The following SGCZ variants were observed in gnomAD, a reference collection of about 807,000 sequenced individuals.
SGCZ encodes zeta-sarcoglycan.
Under a neutral mutation model 41.3 loss-of-function variants are expected in SGCZ, and 40 were observed. That is an observed-to-expected ratio of 0.97 (90% confidence interval 0.75 to 1.26). The LOEUF is 1.26. Among genes scored for constraint, SGCZ ranks in the 50% most tolerant of loss-of-function variants. SGCZ has a pLI of 0.00. For missense variants in SGCZ, 552 were observed against 369.8 expected (o/e 1.49, Z -4.04); for synonymous variants, 206 against 137.5 (o/e 1.50, Z -3.49).
At position 15,159,759 on chromosome 8, in the gene SGCZ, C is replaced by CA. The variant is rs1563157662; in HGVS notation, c.39+77825_39+77826insT. Among the ~76,000 whole-genome samples, 37 of 71,876 alleles carry CA rather than the reference C, an allele frequency of 5.1e-4. 2 individuals are homozygous for CA. Among genetic ancestry groups the CA allele is most frequent in the Non-Finnish European group, 7.9e-4 (26 of 32,818 alleles). 47.2% of individuals were successfully genotyped at this position (71,876 alleles called of 152,430 possible). On this transcript the variant is annotated intron_variant, in intron 1 of 7. Transcript: ENST00000382080. ...CCCCCCACCCTCCCCCCCACCCCCG[C>CA]CACACACACACAGATGGTGTCTGAA... is the stretch of plus-strand genomic sequence containing the variant.
At chr8:14,585,722 T>A (rs1805034984) in intron 1 of SGCZ, among the ~76,000 whole-genome samples, 1 of 152,166 alleles carries the variant, frequency 6.6e-6, no homozygotes, top group African/African-American at 2.4e-5. Flanking sequence ...ATATAATGTT[T>A]CTTAATACAT....
intron 2 of SGCZ, among the ~76,000 whole-genome samples, chr8:14,357,531 A>G (rs1212918345): frequency 6.6e-6 from 1 of 152,188 alleles, no homozygotes; most frequent in Non-Finnish European, 1.5e-5. Context: ...AATTGAATGA[A>G]GTAGATCAGG....
intron 1 of SGCZ, among the ~76,000 whole-genome samples, chr8:15,102,324 T>A (rs905577539): frequency 6.6e-5 from 10 of 152,086 alleles, no homozygotes; most frequent in African/African-American, 2.2e-4. Context: ...GGTAAAACTA[T>A]GTGGAGAATA....
intron 1 of SGCZ, among the ~76,000 whole-genome samples, chr8:15,216,167 C>G (rs1316271559): frequency 6.6e-6 from 1 of 150,894 alleles, no homozygotes; most frequent in Non-Finnish European, 1.5e-5. Flanking sequence ...AAAGGCACTT[C>G]TCATTTCAAG....
intron 1 of SGCZ, among the ~76,000 whole-genome samples, chr8:14,761,070 G>C (rs1799856276): frequency 6.6e-6 from 1 of 152,134 alleles, no homozygotes; most frequent in Non-Finnish European, 1.5e-5. Flanking sequence ...TTTTCACAGA[G>C]TAATGCCCTA....
At chr8:14,231,817 C>T (rs1020628735) in intron 4 of SGCZ, among the ~76,000 whole-genome samples, 1 of 152,074 alleles carries the variant, frequency 6.6e-6, no homozygotes, top group African/African-American at 2.4e-5. Flanking sequence ...CTCATAAGAT[C>T]ATATGCGTTC....
intron 1 of SGCZ, among the ~76,000 whole-genome samples, chr8:14,827,845 AAC>A (rs142931389): frequency 1.5e-4 from 22 of 151,002 alleles, no homozygotes; most frequent in African/African-American, 3.4e-4. Context: ...CACATTAATA[AAC>A]ACACACACAC....
intron 4 of SGCZ, among the ~76,000 whole-genome samples, chr8:14,167,136 C>T (rs548912978): frequency 5.3e-5 from 8 of 152,104 alleles, no homozygotes; most frequent in African/African-American, 1.7e-4. Context: ...ATGATATGTT[C>T]TTGGGGATAT....
intron 2 of SGCZ, among the ~76,000 whole-genome samples, chr8:14,441,332 T>C (rs1334264815): frequency 1.3e-5 from 2 of 152,208 alleles, no homozygotes; most frequent in African/African-American, 4.8e-5. Context: ...ATCCCAGCAC[T>C]TTGGGAGGCC....
At chr8:14,542,539 C>T (rs1026653342) in intron 2 of SGCZ, among the ~76,000 whole-genome samples, 4 of 152,050 alleles carry the variant, frequency 2.6e-5, no homozygotes, top group Admixed American at 2.6e-4. Context: ...GGAGATTTGT[C>T]CATCCTGTTA....
intron 4 of SGCZ, among the ~76,000 whole-genome samples, chr8:14,205,545 T>G (rs1342855902): frequency 6.6e-6 from 1 of 152,184 alleles, no homozygotes; most frequent in African/African-American, 2.4e-5. Flanking sequence ...ATTAACCCAC[T>G]ACAGTTCAGG....
At chr8:14,991,526 A>C (rs974589107) in intron 1 of SGCZ, among the ~76,000 whole-genome samples, 1 of 152,096 alleles carries the variant, frequency 6.6e-6, no homozygotes, top group African/African-American at 2.4e-5. Context: ...CTTTCATGTC[A>C]TCTGGCCACG....
intron 4 of SGCZ, among the ~76,000 whole-genome samples, chr8:14,191,563 G>A (rs1350635630): frequency 1.3e-5 from 2 of 152,138 alleles, no homozygotes; most frequent in Non-Finnish European, 2.9e-5. Flanking sequence ...ATTTGGAAAT[G>A]TACAAAACAC....
intron 1 of SGCZ, among the ~76,000 whole-genome samples, chr8:14,770,345 G>A (rs907723172): frequency 7.9e-5 from 12 of 151,208 alleles, no homozygotes; most frequent in South Asian, 2.1e-4. Context: ...ATAATAGTTC[G>A]TCAAGCAATA....
intron 1 of SGCZ, among the ~76,000 whole-genome samples, chr8:14,635,963 A>T (rs964942878): frequency 1.3e-5 from 2 of 151,944 alleles, no homozygotes; most frequent in African/African-American, 4.8e-5. Context: ...GTGTTGGCAC[A>T]ATTAAGTTCT....
intron 1 of SGCZ, among the ~76,000 whole-genome samples, chr8:14,907,734 C>T (rs1799162166): frequency 6.6e-6 from 1 of 152,054 alleles, no homozygotes; most frequent in Admixed American, 6.6e-5. Flanking sequence ...TTCCCTCTCT[C>T]TCTACACTAC....
chr8:15,187,779 G>A (rs569498746), intron 1 of SGCZ, among the ~76,000 whole-genome samples: 34 of 151,932 alleles, frequency 2.2e-4, no homozygotes, highest in Admixed American at 1.0e-3. Context: ...GTTTGATTAT[G>A]GACTATTATA....
chr8:14,221,437 C>T (rs1806190777), intron 4 of SGCZ, among the ~76,000 whole-genome samples: 1 of 152,108 alleles, frequency 6.6e-6, no homozygotes, highest in Non-Finnish European at 1.5e-5. Flanking sequence ...TACCACAGTG[C>T]CTGAAATATG....
chr8:14,245,148 G>C (rs919909373), intron 3 of SGCZ, among the ~76,000 whole-genome samples: 2 of 152,146 alleles, frequency 1.3e-5, no homozygotes, highest in Admixed American at 6.5e-5. Context: ...GGAGTGGTGA[G>C]AAAGGGCATA....
Sources: allele counts gnomAD v4.1 joint callset (sites outside exome capture counted in the v4.1 genomes callset), GRCh38; gene constraint gnomAD v4.1.1; transcripts MANE v1.5; gene names NCBI Gene and HGNC (gene_info 2026-07-23, HGNC 2026-07-21).